SEMA4D: variants seen among roughly 807,000 people sequenced by gnomAD.
SEMA4D encodes semaphorin 4D.
SEMA4D carries 22 observed loss-of-function variants against 74.8 expected under a neutral mutation model. The ratio of observed to expected loss-of-function variants is 0.29; its 90% CI spans 0.21 to 0.42. SEMA4D has a LOEUF of 0.42. Among genes scored for constraint, SEMA4D ranks in the 10% least tolerant of loss-of-function variants. SEMA4D has a pLI of 1.00. For synonymous variants in SEMA4D, 445 were observed against 463.7 expected (o/e 0.96, Z 0.52); for missense variants, 937 against 1,118.4 (o/e 0.84, Z 2.31).
At chr9:89,388,391 C>T (rs559280757) in intron 11 of SEMA4D, among the ~76,000 whole-genome samples, 146 of 152,370 alleles carry the variant, frequency 9.6e-4, no homozygotes, top group African/African-American at 3.3e-3. Context: ...AATTGTTATG[C>T]AATGTTAATT....
At chr9:89,367,368 T>A (rs2132330030) in intron 16 of SEMA4D, 1 of 152,366 alleles carries the variant, frequency 6.6e-6, no homozygotes, top group South Asian at 2.1e-4. Flanking sequence ...CACTGTTTTC[T>A]TGCTTGGGCC....
intron 1 of SEMA4D, among the ~76,000 whole-genome samples, chr9:89,483,955 G>T (rs1283930547): frequency 6.6e-6 from 1 of 152,258 alleles, no homozygotes. Flanking sequence ...ATGCATCTCA[G>T]TTCAAACGTG....
chr9:89,385,072 G>T, intron 13 of SEMA4D: 1 of 982,616 alleles, frequency 1.0e-6, no homozygotes, highest in South Asian at 4.7e-5. Context: ...TGGGCGCGAG[G>T]CTCCCTGTGT....
At chr9:89,440,500 T>TTCCCTCC (rs1564796255) in intron 2 of SEMA4D, among the ~76,000 whole-genome samples, 1 of 151,618 alleles carries the variant, frequency 6.6e-6, no homozygotes, top group African/African-American at 2.4e-5. Context: ...CCCTGAGCCC[T>TTCCCTCC]ACCCTCCGCT....
Position 89,450,660 on chromosome 9 carries a change from GAAAAAAAAAAAAA to G in SEMA4D, c.-244+5215_-244+5227del, listed in dbSNP as rs71358578. 2,573 of 428,746 alleles carry G rather than the reference GAAAAAAAAAAAAA, an allele frequency of 6.0e-3. 10 individuals carry two copies. The highest frequency in any genetic ancestry group is 0.028 in the East Asian group (269 of 9,584). 26.6% of individuals were successfully genotyped at this position (428,746 alleles called of 1,614,324 possible). On this transcript the variant is annotated intron_variant, in intron 2 of 15. Transcript: ENST00000422704. The stretch of plus-strand genomic sequence containing the variant: ...GAGTTCTGCAAGTCGAAAAACCCAG[GAAAAAAAAAAAAA>G]AAAAAAAAAAAAAAGGCCTCCAAGA...
chr9:89,373,082 G>A (rs1033233249), downstream of SEMA4D, among the ~76,000 whole-genome samples: 1 of 152,084 alleles, frequency 6.6e-6, no homozygotes, highest in Non-Finnish European at 1.5e-5. Flanking sequence ...GATGGGCACT[G>A]AGGCCCCTGG....
At chr9:89,421,236 C>G (rs1052351576) in intron 2 of SEMA4D, among the ~76,000 whole-genome samples, 3 of 152,188 alleles carry the variant, frequency 2.0e-5, no homozygotes, top group African/African-American at 4.8e-5. Flanking sequence ...GGCCCAGAAG[C>G]AGGTAAGGAA....
intron 2 of SEMA4D, among the ~76,000 whole-genome samples, chr9:89,415,988 A>C (rs1302716194): frequency 6.6e-6 from 1 of 152,228 alleles, no homozygotes; most frequent in Non-Finnish European, 1.5e-5. Flanking sequence ...GTTTTGCTTT[A>C]AGTGGACTTT....
chr9:89,446,203 G>A (rs888533182), intron 2 of SEMA4D, among the ~76,000 whole-genome samples: 2 of 152,040 alleles, frequency 1.3e-5, no homozygotes, highest in Non-Finnish European at 2.9e-5. Flanking sequence ...TCTAGCCTCT[G>A]TGCCCTCTGT....
At chr9:89,384,613 T>C (rs1837997079) in intron 13 of SEMA4D, 2 of 966,854 alleles carry the variant, frequency 2.1e-6, no homozygotes, top group African/African-American at 1.8e-5. Context: ...ACGTGCACAA[T>C]GAAAAATGGT....
At chr9:89,388,269 T>C (rs1838995074) in intron 11 of SEMA4D, among the ~76,000 whole-genome samples, 1 of 152,204 alleles carries the variant, frequency 6.6e-6, no homozygotes, top group Non-Finnish European at 1.5e-5. Context: ...TACATAAAGT[T>C]CACTATATTT....
At position 89,493,489 on chromosome 9, in the gene SEMA4D, T is replaced by TA. The variant is rs1273891079; in HGVS notation, c.-310+4429dup. ...AGGAACAACAACAAACAAAAGCTCC[T>TA]AAACTCACAGTGAGAACCAAGTGGG... On this transcript the variant is annotated intron_variant, in intron 1 of 15. Transcript: ENST00000422704. Among the ~76,000 whole-genome samples, 7 of 152,188 alleles carry TA rather than the reference T, an allele frequency of 4.6e-5. No individual in the cohort carries two copies. The South Asian group carries it at 1.0e-3, about 22-fold the overall frequency.
intron 2 of SEMA4D, among the ~76,000 whole-genome samples, chr9:89,421,590 G>A (rs1482675849): frequency 6.6e-6 from 1 of 152,186 alleles, no homozygotes; most frequent in Non-Finnish European, 1.5e-5. Flanking sequence ...GTGTGTGTGC[G>A]TCTATGTGCA....
chr9:89,468,065 A>G (rs538440887), intron 1 of SEMA4D, among the ~76,000 whole-genome samples: 27 of 152,324 alleles, frequency 1.8e-4, no homozygotes, highest in Admixed American at 2.0e-4. Flanking sequence ...AGACTAGGGT[A>G]GTCGTGGTGT....
At chr9:89,397,963 G>C (rs1156889257) in intron 5 of SEMA4D, among the ~76,000 whole-genome samples, 1 of 152,036 alleles carries the variant, frequency 6.6e-6, no homozygotes, top group Non-Finnish European at 1.5e-5. Context: ...CACACTGAGG[G>C]GCCTGAGGGA....
chr9:89,435,081 C>T (rs1010661819), intron 2 of SEMA4D, among the ~76,000 whole-genome samples: 4 of 152,188 alleles, frequency 2.6e-5, no homozygotes, highest in African/African-American at 9.7e-5. Flanking sequence ...AGCTCAGAGT[C>T]TACCTGGGCA....
At chr9:89,389,392 G>A (rs1269653942) in intron 9 of SEMA4D, among the ~76,000 whole-genome samples, 1 of 152,182 alleles carries the variant, frequency 6.6e-6, no homozygotes, top group Non-Finnish European at 1.5e-5. Context: ...AACTGCCAAG[G>A]CCCCTGGCAT....
exon 19 of SEMA4D, chr9:89,360,892 A>ATAATTACAT (rs1430291733): frequency 1.3e-5 from 2 of 152,208 alleles, no homozygotes; most frequent in Admixed American, 6.5e-5. Context: ...ACATTACGAA[A>ATAATTACAT]ACTTCAAGTA....
intron 16 of SEMA4D, among the ~76,000 whole-genome samples, chr9:89,370,919 G>A (rs138240956): frequency 1.9e-4 from 26 of 138,240 alleles, no homozygotes; most frequent in Admixed American, 5.4e-4. Context: ...GATGGTGTGT[G>A]TTGGGGGGGT....
Sources: gnomAD v4.1 joint callset for allele counts (sites outside exome capture counted in the v4.1 genomes callset) on GRCh38, gnomAD v4.1.1 for gene constraint, MANE v1.5 for transcripts, NCBI Gene and HGNC (gene_info 2026-07-23, HGNC 2026-07-21) for gene names.